The following C8orf88 variants were observed in gnomAD, a reference collection of about 807,000 sequenced individuals.
C8orf88 encodes uncharacterized protein C8orf88.
In C8orf88, 14 loss-of-function variants were observed where a neutral mutation model predicts 18.4. That is an observed-to-expected ratio of 0.76 (90% CI 0.50 to 1.19). The LOEUF (loss-of-function observed/expected upper bound fraction) is 1.19, where lower values mean the gene tolerates loss of function less well. Among genes scored for constraint, C8orf88 ranks in the 50% most tolerant of loss-of-function variants. The probability of loss-of-function intolerance (pLI) is 0.00; values close to 1 mark genes in which losing one functional copy is unlikely to be tolerated. For missense variants in C8orf88, 116 were observed against 134.7 expected, an observed-to-expected ratio of 0.86 and a Z score of 0.69; for synonymous variants, 45 against 42.9, an observed-to-expected ratio of 1.05 and a Z score of -0.19.
chr8:90,977,883 G>T (rs932214651), intron 3 of C8orf88, among the ~76,000 whole-genome samples: 5 of 152,154 alleles, frequency 3.3e-5, no homozygotes, highest in Non-Finnish European at 5.9e-5. Context: ...GGAGGTGGAG[G>T]TTGCAGTGAG....
rs138569329 is a variant in C8orf88, at chr8:90,980,571, G to A, written c.-26-110C>T. 7.3e-4 allele frequency: 371 copies of A among 511,170 alleles called. 1 individual carries two copies. The highest frequency in any genetic ancestry group is 6.7e-3 in the African/African-American group (339 of 50,632). The allele number at this position is 511,170 out of a possible 1,614,324, so 31.7% of individuals were successfully genotyped here. A position where few individuals can be genotyped will look rare whatever the true frequency, so the allele number is the denominator to read the frequency against. Reference sequence around the variant, plus strand: ...TAAGATGCCTATTTTACAAGTTAAAGTGGAAAACACAAACACAAAAAAGCA... The same window carrying A: ...TAAGATGCCTATTTTACAAGTTAAAATGGAAAACACAAACACAAAAAAGCA... On this transcript the variant is annotated intron_variant, in intron 1 of 5. Coordinates refer to ENST00000517562, the MANE Select transcript of C8orf88 (RefSeq NM_001190972.2).
Position 90,960,782 on chromosome 8 carries a change from G to C in C8orf88, c.290C>G (p.Pro97Arg). ...LSSVSICRKKPDFLPDHPIVL... is the reference protein window; with the variant it reads ...LSSVSICRKKRDFLPDHPIVL... ...AATGGGATGATCAGGCAGAAAGTCT[G>C]GTTTTTTTCTGCAGATGGAAACACT... is the stretch of plus-strand genomic sequence containing the variant. Residue 97 changes from proline (P) to arginine (R), a missense_variant, in exon 5 of 6, where the codon CCA becomes CGA. Pro to Arg is a moderately radical substitution (Grantham distance 103, BLOSUM62 -2). Transcript: ENST00000517562. 1 of 1,531,060 alleles carries C rather than the reference G, an allele frequency of 6.5e-7. No homozygotes were observed. The allele number at this position is 1,531,060 out of a possible 1,614,324, so 94.8% of individuals were successfully genotyped here. A position where few individuals can be genotyped will look rare whatever the true frequency, so the allele number is the denominator to read the frequency against.
intron 3 of C8orf88, among the ~76,000 whole-genome samples, chr8:90,974,068 A>C (rs1307537164): frequency 6.6e-6 from 1 of 152,154 alleles, no homozygotes; most frequent in Non-Finnish European, 1.5e-5. Context: ...GCAAAGGACA[A>C]GAAATGGTAA....
At chr8:90,969,462 T>C (rs1172951643) in intron 4 of C8orf88, among the ~76,000 whole-genome samples, 1 of 151,876 alleles carries the variant, frequency 6.6e-6, no homozygotes, top group Non-Finnish European at 1.5e-5. Flanking sequence ...TATGAAAATA[T>C]CACGTGCCCT....
chr8:90,979,942 C>A (rs934211704), intron 2 of C8orf88, among the ~76,000 whole-genome samples: 3 of 152,136 alleles, frequency 2.0e-5, no homozygotes, highest in Non-Finnish European at 2.9e-5. Flanking sequence ...TACTACAGAA[C>A]CTTTAAGATT....
intron 4 of C8orf88, among the ~76,000 whole-genome samples, chr8:90,963,970 C>T (rs1250199500): frequency 6.6e-6 from 1 of 151,476 alleles, no homozygotes; most frequent in Non-Finnish European, 1.5e-5. Flanking sequence ...AGAAGTTCAA[C>T]AAACTACAAA....
chr8:90,959,649 T>G (rs1360994358), intron 5 of C8orf88, among the ~76,000 whole-genome samples: 1 of 151,456 alleles, frequency 6.6e-6, no homozygotes, highest in Non-Finnish European at 1.5e-5. Flanking sequence ...ATATAAACTA[T>G]GAACAACATA....
chr8:90,976,312 A>C lies in C8orf88; in HGVS notation c.147+2267T>G, dbSNP rs1259194893. On this transcript the variant is annotated intron_variant, in intron 3 of 5. Transcript: ENST00000517562. ...ATAAAGGTAGGTTTGAAAATATATC[A>C]AGTATCTCTAACATAGGTTCTAATA... 2.6e-5 allele frequency among the ~76,000 whole-genome samples: 4 copies of C among 152,164 alleles called. No homozygotes were observed. The East Asian group carries it at 5.8e-4, about 22-fold the overall frequency.
chr8:90,976,924 A>G (rs1811359275), intron 3 of C8orf88, among the ~76,000 whole-genome samples: 1 of 152,154 alleles, frequency 6.6e-6, no homozygotes, highest in African/African-American at 2.4e-5. Context: ...AATCCTAAAG[A>G]AAAACATTGA....
intron 4 of C8orf88, among the ~76,000 whole-genome samples, chr8:90,966,023 A>C (rs1323436527): frequency 6.6e-6 from 1 of 151,796 alleles, no homozygotes; most frequent in Non-Finnish European, 1.5e-5. Context: ...AATAATAAAG[A>C]TCAGAGTGAA....
chr8:90,967,945 C>T (rs1217441158), intron 4 of C8orf88, among the ~76,000 whole-genome samples: 1 of 151,658 alleles, frequency 6.6e-6, no homozygotes, highest in Non-Finnish European at 1.5e-5. Flanking sequence ...GGGAAGATTT[C>T]TTATATTTAT....
At chr8:90,961,664 TGAA>T (rs1811128901) in intron 4 of C8orf88, among the ~76,000 whole-genome samples, 1 of 151,292 alleles carries the variant, frequency 6.6e-6, no homozygotes, top group Non-Finnish European at 1.5e-5. Flanking sequence ...TGTTCAGAAA[TGAA>T]GAGCAAAAGA....
chr8:90,968,280 C>T (rs1811232521), intron 4 of C8orf88, among the ~76,000 whole-genome samples: 1 of 151,502 alleles, frequency 6.6e-6, no homozygotes, highest in Non-Finnish European at 1.5e-5. Context: ...AACACATACA[C>T]CTATAGTCAA....
chr8:90,974,424 C>T (rs1173489538), intron 3 of C8orf88, among the ~76,000 whole-genome samples: 1 of 152,150 alleles, frequency 6.6e-6, no homozygotes, highest in Non-Finnish European at 1.5e-5. Context: ...TATTAACTGA[C>T]AGCCATGTGA....
chr8:90,974,253 C>T (rs923109636), intron 3 of C8orf88, among the ~76,000 whole-genome samples: 5 of 152,122 alleles, frequency 3.3e-5, no homozygotes, highest in African/African-American at 1.2e-4. Flanking sequence ...AGTTTCCAGT[C>T]CCAGATATTA....
At chr8:90,977,326 C>T (rs542499867) in intron 3 of C8orf88, among the ~76,000 whole-genome samples, 10 of 152,118 alleles carry the variant, frequency 6.6e-5, no homozygotes, top group Admixed American at 1.3e-4. Flanking sequence ...TCATACAAAT[C>T]GCTTTGAAGA....
At chr8:90,975,301 T>C (rs1172535328) in intron 3 of C8orf88, among the ~76,000 whole-genome samples, 2 of 152,150 alleles carry the variant, frequency 1.3e-5, no homozygotes, top group Non-Finnish European at 2.9e-5. Flanking sequence ...CAGTAGACTA[T>C]AAAGTGCAAT....
intron 1 of C8orf88, among the ~76,000 whole-genome samples, chr8:90,983,996 C>G (rs1811470813): frequency 6.6e-6 from 1 of 152,070 alleles, no homozygotes; most frequent in Non-Finnish European, 1.5e-5. Context: ...TACCATTTTT[C>G]TTAGAATACT....
chr8:90,979,017 TCTGAAA>T (rs1470873657), intron 2 of C8orf88, among the ~76,000 whole-genome samples: 1 of 152,174 alleles, frequency 6.6e-6, no homozygotes, highest in Non-Finnish European at 1.5e-5. Context: ...AGTAATTAAA[TCTGAAA>T]CTGAATCTAA....
Sources: allele counts gnomAD v4.1 joint callset (sites outside exome capture counted in the v4.1 genomes callset), GRCh38; gene constraint gnomAD v4.1.1; transcripts MANE v1.5; gene names NCBI Gene and HGNC (gene_info 2026-07-23, HGNC 2026-07-21).